Variants in HUNK observed in about 807,000 individuals in gnomAD.
HUNK encodes hormonally up-regulated Neu-associated kinase.
HUNK carries 21 observed loss-of-function variants against 61.0 expected under a neutral mutation model. That is an observed-to-expected ratio of 0.34 (90% CI 0.24 to 0.50). HUNK has a LOEUF of 0.50. Ranked by LOEUF, HUNK falls within the 20% of genes least tolerant of loss-of-function variation. HUNK has a pLI of 0.98. For missense variants in HUNK, 772 were observed against 945.7 expected, an observed-to-expected ratio of 0.82 and a Z score of 2.41; for synonymous variants, 371 against 386.1, an observed-to-expected ratio of 0.96 and a Z score of 0.46.
chr21:31,992,594 T>G (rs1238242543), intron 9 of HUNK, among the ~76,000 whole-genome samples: 1 of 152,176 alleles, frequency 6.6e-6, no homozygotes, highest in Non-Finnish European at 1.5e-5. Flanking sequence ...CAAGTCTATG[T>G]GGGTGCTGGA....
intron 5 of HUNK, among the ~76,000 whole-genome samples, chr21:31,965,212 C>A (rs2052955334): frequency 6.6e-6 from 1 of 152,010 alleles, no homozygotes; most frequent in African/African-American, 2.4e-5. Flanking sequence ...AAACCAAATA[C>A]CGCATGTTCT....
intron 1 of HUNK, among the ~76,000 whole-genome samples, chr21:31,890,521 C>T (rs974044370): frequency 3.9e-5 from 6 of 152,314 alleles, no homozygotes; most frequent in Non-Finnish European, 8.8e-5. Flanking sequence ...TGAGCCACCG[C>T]GCCTGGCCGG....
At chr21:31,904,325 C>T (rs2052490040) in intron 1 of HUNK, among the ~76,000 whole-genome samples, 1 of 152,044 alleles carries the variant, frequency 6.6e-6, no homozygotes, top group Non-Finnish European at 1.5e-5. Flanking sequence ...CTACATTTAT[C>T]TGATGTTTCC....
chr21:31,946,462 C>T (rs752354348), intron 4 of HUNK, among the ~76,000 whole-genome samples: 2 of 152,168 alleles, frequency 1.3e-5, no homozygotes, highest in South Asian at 4.1e-4. Flanking sequence ...ATGCCCCATC[C>T]TCCTGCCCTT....
intron 4 of HUNK, among the ~76,000 whole-genome samples, chr21:31,948,485 C>G (rs1176561220): frequency 6.6e-6 from 1 of 152,190 alleles, no homozygotes; most frequent in Non-Finnish European, 1.5e-5. Context: ...CTGGGCCTCA[C>G]CGTGAGGTCT....
Position 31,995,787 on chromosome 21 carries a change from A to C in HUNK, c.1325A>C (p.Gln442Pro). The C allele has an allele frequency of 6.2e-7, 1 of 1,614,102 alleles. No homozygotes were observed. The highest frequency in any genetic ancestry group is 8.5e-7 in the Non-Finnish European group (1 of 1,179,992). Reference sequence around the variant, plus strand: ...TTGTAGGATAAAAAGCCCAAAGAACAAGAAAAAAGAGGGGATTTTCTTCAT... The same window carrying C: ...TTGTAGGATAAAAAGCCCAAAGAACCAGAAAAAAGAGGGGATTTTCTTCAT... ...HAVQDKKPKE[Q>P]EKRGDFLHRP... The change falls in exon 10 of 11, where the codon CAA becomes CCA. Residue 442 changes from glutamine (Q) to proline (P), a missense_variant. Transcript: ENST00000270112.
rs2052540932 is a variant in HUNK at position 31,910,849 on chromosome 21, C to T, written c.262-13619C>T. ...TTTGCATATATCCTATACATATCCTCCTGTATATTTTAAATCATCCCCACC... is the reference window on the plus strand; with the variant it reads ...TTTGCATATATCCTATACATATCCTTCTGTATATTTTAAATCATCCCCACC... On this transcript the variant is annotated intron_variant, in intron 1 of 10. Coordinates refer to ENST00000270112, the MANE Select transcript of HUNK (RefSeq NM_014586.2). Among the ~76,000 whole-genome samples the T allele has an allele frequency of 1.3e-5, 2 of 152,168 alleles. 1 individual carries two copies. Among genetic ancestry groups the T allele is most frequent in the Admixed American group, 1.3e-4 (2 of 15,266 alleles).
At chr21:31,974,450 G>T (rs1194706411) in intron 6 of HUNK, 105 bp from the exon 7 acceptor site, 3 of 1,069,284 alleles carry the variant, frequency 2.8e-6, no homozygotes, top group Admixed American at 2.6e-5. Context: ...ACTCAAGTCA[G>T]TGAATGAATG....
chr21:31,925,342 G>A (rs1463894359), intron 2 of HUNK, among the ~76,000 whole-genome samples: 2 of 152,148 alleles, frequency 1.3e-5, no homozygotes, highest in Non-Finnish European at 2.9e-5. Context: ...TGGAGTAAAG[G>A]TCAATGAGTT....
intron 1 of HUNK, among the ~76,000 whole-genome samples, chr21:31,903,822 A>T (rs545799689): frequency 6.8e-4 from 104 of 152,346 alleles, no homozygotes; most frequent in Admixed American, 3.7e-3. Flanking sequence ...AAGTAAGAGG[A>T]ATGTTTTAAG....
Position 31,924,741 on chromosome 21 carries a change from C to G in HUNK, c.535C>G (p.Arg179Gly). Residue 179 changes from arginine to glycine, a missense_variant, in exon 2 of 11, where the codon CGG becomes GGG. Physicochemically the swap from Arg to Gly is moderately radical, Grantham distance 125 (BLOSUM62 -2). Around this residue, in one of 2 missense-constraint regions of HUNK, gnomAD observed 359 missense variants for 501.3 expected, o/e 0.72. Coordinates refer to ENST00000270112, the MANE Select transcript of HUNK (RefSeq NM_014586.2). The surrounding 1 kb of genome is among the most constrained non-coding windows in gnomAD (Gnocchi z 5.1). ...QLISAVEHLH[R>G]AGVVHRDLKI... is the part of the protein sequence containing the mutation. ...CATCTCTGCCGTAGAGCACCTGCAC[C>G]GGGCCGGGGTGGTCCACAGGTAAGG... The G allele has an allele frequency of 6.2e-7, 1 of 1,609,908 alleles. No homozygotes were observed. The highest frequency in any genetic ancestry group is 1.1e-5 in the South Asian group (1 of 90,602).
Position 31,983,606 on chromosome 21 carries a change from T to C in HUNK, c.1254T>C (p.Tyr418=), listed in dbSNP as rs2053113364. The part of the protein sequence containing the change: ...IEKYRAPKES[Y]EASLDTWTRD... Reference sequence around the variant, plus strand: ...AGTACAGGGCCCCCAAGGAGTCCTATGAGGTGAGTGACCCCTGAAGCAAAC... The same window carrying C: ...AGTACAGGGCCCCCAAGGAGTCCTACGAGGTGAGTGACCCCTGAAGCAAAC... The change falls in exon 8 of 11, where the codon TAT becomes TAC. Residue 418 remains tyrosine (Y), a synonymous_variant. Transcript: ENST00000270112. 6.2e-7 allele frequency: 1 copy of C among 1,610,498 alleles called. No individual in the cohort carries two copies. The highest frequency in any genetic ancestry group is 8.5e-7 in the Non-Finnish European group (1 of 1,177,202).
chr21:31,950,136 C>T (rs952976184), intron 4 of HUNK, among the ~76,000 whole-genome samples: 2 of 152,110 alleles, frequency 1.3e-5, no homozygotes, highest in Non-Finnish European at 2.9e-5. Flanking sequence ...GTGGGACAAA[C>T]AGCTGGTATT....
At chr21:31,893,795 A>G (rs1298931484) in intron 1 of HUNK, among the ~76,000 whole-genome samples, 1 of 152,202 alleles carries the variant, frequency 6.6e-6, no homozygotes, top group Non-Finnish European at 1.5e-5. Flanking sequence ...ACCTGCCTCA[A>G]CACTCAGGAA....
chr21:31,894,597 C>T (rs2052413259), intron 1 of HUNK, among the ~76,000 whole-genome samples: 2 of 152,044 alleles, frequency 1.3e-5, no homozygotes, highest in South Asian at 4.1e-4. Flanking sequence ...CCTTGCCAGA[C>T]CAATTAGAAA....
At chr21:31,911,399 C>T (rs1476123510) in intron 1 of HUNK, among the ~76,000 whole-genome samples, 4 of 152,142 alleles carry the variant, frequency 2.6e-5, no homozygotes, top group Non-Finnish European at 4.4e-5. Context: ...GCTGACATTT[C>T]GTCAGGATCT....
At chr21:31,904,913 T>G (rs1257924881) in intron 1 of HUNK, among the ~76,000 whole-genome samples, 1 of 152,018 alleles carries the variant, frequency 6.6e-6, no homozygotes, top group Non-Finnish European at 1.5e-5. Flanking sequence ...CCTCAAACCC[T>G]GTCTGTACTA....
chr21:31,926,629 T>C lies in HUNK; in HGVS notation c.554+1869T>C, dbSNP rs1434552581. Among the ~76,000 whole-genome samples, 4 of 152,236 alleles carry C rather than the reference T, an allele frequency of 2.6e-5. No individual in the cohort carries two copies. In the South Asian group the frequency reaches 6.2e-4, roughly 24 times the overall value. Reference sequence around the variant, plus strand: ...TCTTTTGTGATTGCTTTCTGTCATGTAGCATTATGTTTTTCAGGTTTGTCT... The same window carrying C: ...TCTTTTGTGATTGCTTTCTGTCATGCAGCATTATGTTTTTCAGGTTTGTCT... On this transcript the variant is annotated intron_variant, in intron 2 of 10. Coordinates refer to ENST00000270112, the MANE Select transcript of HUNK (RefSeq NM_014586.2).
chr21:31,946,286 T>G, intron 4 of HUNK, 115 bp downstream of exon 4: 2 of 1,019,042 alleles, frequency 2.0e-6, no homozygotes, highest in South Asian at 3.9e-5. Flanking sequence ...CCCAGGAGTA[T>G]GTCATCAGGG....
Sources: gnomAD v4.1 joint callset for allele counts (sites outside exome capture counted in the v4.1 genomes callset) on GRCh38, gnomAD v4.1.1 for gene constraint, gnomAD v4.1.1 regional missense constraint, Gnocchi (gnomAD v3.1) non-coding constraint, MANE v1.5 for transcripts, NCBI Gene and HGNC (gene_info 2026-07-23, HGNC 2026-07-21) for gene names.